C3orf52: variants seen among roughly 807,000 people sequenced by gnomAD.
C3orf52 encodes the protein TPA-induced transmembrane protein.
In C3orf52, 22 loss-of-function variants were observed where a neutral mutation model predicts 24.8. That is an observed-to-expected ratio of 0.89 (90% CI 0.63 to 1.27). The LOEUF is 1.27. Among genes scored for constraint, C3orf52 ranks in the 50% most tolerant of loss-of-function variants. The probability of loss-of-function intolerance (pLI) is 0.00; values close to 1 mark genes in which losing one functional copy is unlikely to be tolerated. For missense variants in C3orf52, 265 were observed against 260.7 expected (o/e 1.02, Z -0.11); for synonymous variants, 93 against 100.2 (o/e 0.93, Z 0.43).
At chr3:112,103,523 C>CTGTGA (rs1245434619) in intron 3 of C3orf52, among the ~76,000 whole-genome samples, 1 of 152,146 alleles carries the variant, frequency 6.6e-6, no homozygotes, top group African/African-American at 2.4e-5. Flanking sequence ...CATTGAGGGT[C>CTGTGA]TGTGATGTGC....
intron 3 of C3orf52, among the ~76,000 whole-genome samples, chr3:112,107,942 G>A (rs2074042377): frequency 1.3e-5 from 2 of 152,178 alleles, no homozygotes; most frequent in South Asian, 2.1e-4. Context: ...TCCCCATAGG[G>A]CACTGCTGTT....
downstream of C3orf52, chr3:112,121,728 C>G (rs897379590): frequency 6.6e-6 from 1 of 152,206 alleles, no homozygotes; most frequent in African/African-American, 2.4e-5. Context: ...ATGCAGCTGG[C>G]TCTTTAGCTG....
intron 4 of C3orf52, chr3:112,123,567 C>G: frequency 6.2e-7 from 1 of 1,614,078 alleles, no homozygotes; most frequent in Non-Finnish European, 8.5e-7. Flanking sequence ...TTCTGGGGAT[C>G]GGGCATGCCT....
intron 2 of C3orf52, 71 bp downstream of exon 2, chr3:112,093,560 A>G: frequency 7.0e-7 from 1 of 1,422,130 alleles, no homozygotes; most frequent in Non-Finnish European, 9.7e-7. Flanking sequence ...TTACACTGAA[A>G]TGGAAGATGT....
rs1294260413 is a variant in C3orf52 at position 112,102,819 on chromosome 3, C to T, written c.269-19C>T. 3 of 1,535,162 alleles carry T rather than the reference C, an allele frequency of 2.0e-6. No homozygotes were observed. Among genetic ancestry groups the T allele is most frequent in the Non-Finnish European group, 2.6e-6 (3 of 1,141,768 alleles). On this transcript the variant is annotated intron_variant, in intron 2 of 5. Coordinates refer to ENST00000264848, the MANE Select transcript of C3orf52 (RefSeq NM_024616.3). ...TGTTTACTTTTGTTTTTCATTTCCA[C>T]CTCCCCTACTTTCTTTAGTAACTTA...
chr3:112,086,633 A>G, intron 1 of C3orf52, 88 bp downstream of exon 1: 3 of 1,471,476 alleles, frequency 2.0e-6, no homozygotes, highest in South Asian at 1.3e-5. Flanking sequence ...TCGGGTTTCC[A>G]GTCAGGCGGG....
At chr3:112,099,658 A>G (rs1452886063) in intron 2 of C3orf52, among the ~76,000 whole-genome samples, 2 of 152,218 alleles carry the variant, frequency 1.3e-5, no homozygotes, top group Non-Finnish European at 2.9e-5. Flanking sequence ...TTATGTGAGG[A>G]AAATATATTC....
rs115884275 is a variant in C3orf52, at chr3:112,114,072, G to T, written c.649+927G>T. Among the ~76,000 whole-genome samples, 993 of 152,318 alleles carry T rather than the reference G, an allele frequency of 6.5e-3. 14 individuals carry two copies. Among genetic ancestry groups the T allele is most frequent in the African/African-American group, 0.023 (945 of 41,562 alleles). ...GAAAGGCAAATTAGAAGTAGTTGTG[G>T]TTGGCAGCAGGTGCATTAACGGTCT... On this transcript the variant is annotated intron_variant, in intron 5 of 5. Coordinates refer to ENST00000264848, the MANE Select transcript of C3orf52 (RefSeq NM_024616.3).
At chr3:112,122,652 A>C (rs1056800879), downstream of C3orf52, 1 of 152,162 alleles carries the variant, frequency 6.6e-6, no homozygotes, top group Non-Finnish European at 1.5e-5. Context: ...GGGGAGCACT[A>C]AATTGGAAGT....
chr3:112,099,984 T>C (rs1201857525), intron 2 of C3orf52, among the ~76,000 whole-genome samples: 1 of 152,234 alleles, frequency 6.6e-6, no homozygotes, highest in African/African-American at 2.4e-5. Context: ...GGCTAACAAA[T>C]AGCCAACAGG....
chr3:112,087,186 CG>C (rs1207678778), intron 1 of C3orf52, among the ~76,000 whole-genome samples: 1 of 151,938 alleles, frequency 6.6e-6, no homozygotes, highest in Non-Finnish European at 1.5e-5. Context: ...GGGGTCGGCG[CG>C]GGGGAGGTGA....
At chr3:112,106,675 A>C (rs193087066) in intron 3 of C3orf52, among the ~76,000 whole-genome samples, 1 of 152,280 alleles carries the variant, frequency 6.6e-6, no homozygotes, top group East Asian at 1.9e-4. Flanking sequence ...ACATATTGTT[A>C]TTATATCACA....
intron 2 of C3orf52, among the ~76,000 whole-genome samples, chr3:112,100,343 T>C (rs1003853187): frequency 6.6e-6 from 1 of 152,200 alleles, no homozygotes; most frequent in Non-Finnish European, 1.5e-5. Context: ...AACACATGTT[T>C]TTGTGATTTT....
chr3:112,127,543 G>C (rs1031854915), intron 4 of C3orf52, among the ~76,000 whole-genome samples: 5 of 152,170 alleles, frequency 3.3e-5, no homozygotes, highest in African/African-American at 1.2e-4. Context: ...TCTGCTGTGA[G>C]GGTAACCCTA....
At chr3:112,123,418 T>C in intron 4 of C3orf52, 1 of 1,590,208 alleles carries the variant, frequency 6.3e-7, no homozygotes, top group Non-Finnish European at 8.6e-7. Flanking sequence ...CACCTTTTAT[T>C]TGTTGGTGCT....
chr3:112,132,299 G>A (rs535538716), downstream of C3orf52, among the ~76,000 whole-genome samples: 4 of 152,182 alleles, frequency 2.6e-5, no homozygotes, highest in South Asian at 8.3e-4. Flanking sequence ...CATGAACTGA[G>A]ACCAGGGATT....
chr3:112,115,205 G>A lies in C3orf52; in HGVS notation c.650-1437G>A, dbSNP rs368352805. On this transcript the variant is annotated intron_variant, in intron 5 of 5. Coordinates refer to ENST00000264848, the MANE Select transcript of C3orf52 (RefSeq NM_024616.3). ...GAGCCATTTTATGTTTTCAGAATGT[G>A]AGTGTCACTGCCCTCTCAAAGGGAA... is the stretch of plus-strand genomic sequence containing the variant. Among the ~76,000 whole-genome samples, 8 of 152,336 alleles carry A rather than the reference G, an allele frequency of 5.3e-5. No individual in the cohort carries two copies. The South Asian group carries it at 8.3e-4, about 16-fold the overall frequency.
chr3:112,111,975 T>G (rs1249110906), intron 4 of C3orf52: 1 of 152,218 alleles, frequency 6.6e-6, no homozygotes, highest in Non-Finnish European at 1.5e-5. Flanking sequence ...TCGGCCTATG[T>G]GACCTGTAGC....
chr3:112,126,023 C>T (rs1437594604), intron 4 of C3orf52, among the ~76,000 whole-genome samples: 2 of 152,158 alleles, frequency 1.3e-5, no homozygotes, highest in East Asian at 1.9e-4. Flanking sequence ...GACATTCTCT[C>T]GGTCCTCACA....
Sources: gnomAD v4.1 joint callset for allele counts (sites outside exome capture counted in the v4.1 genomes callset) on GRCh38, gnomAD v4.1.1 for gene constraint, MANE v1.5 for transcripts, NCBI Gene and HGNC (gene_info 2026-07-23, HGNC 2026-07-21) for gene names.